Variants in PVR observed in about 807,000 individuals in gnomAD.
PVR encodes PVR cell adhesion molecule, also known as poliovirus receptor.
A neutral mutation model predicts 43.3 loss-of-function variants in PVR; 39 were observed. That is an observed-to-expected ratio of 0.90 (90% confidence interval 0.70 to 1.18). The LOEUF (loss-of-function observed/expected upper bound fraction) is 1.18, where lower values mean the gene tolerates loss of function less well. Ranked by LOEUF, PVR falls within the 50% of genes most tolerant of loss-of-function variation. PVR has a pLI of 0.00. For missense variants in PVR, 480 were observed against 549.7 expected (o/e 0.87, Z 1.27); for synonymous variants, 224 against 233.2 (o/e 0.96, Z 0.36).
chr19:44,664,651 T>G lies in PVR; in HGVS notation c.*2840T>G, dbSNP rs999136169. ...TCTAAGGACAGGCATTTGTATCCTT[T>G]CCAGCCTTTCACTATTACAATGTTG... On this transcript the variant is annotated 3_prime_UTR_variant, in exon 8 of 8. Transcript: ENST00000425690. The G allele has an allele frequency of 2.0e-5, 3 of 152,154 alleles. No homozygotes were observed. The East Asian group carries it at 5.8e-4, about 29-fold the overall frequency. The allele number at this position is 152,154 out of a possible 1,614,324, so 9.4% of individuals were successfully genotyped here.
Position 44,657,778 on chromosome 19 carries a change from C to T in PVR, c.859C>T (p.Pro287Ser), listed in dbSNP as rs182448793. 87 of 1,614,128 alleles carry T rather than the reference C, an allele frequency of 5.4e-5. 1 individual carries two copies. Among genetic ancestry groups the T allele is most frequent in the Non-Finnish European group, 3.7e-5 (44 of 1,179,988 alleles). ...YNWSTTMGPL[P>S]PFAVAQGAQL... Reference sequence around the variant, plus strand: ...CTCTCCCAGGACCATGGGTCCCCTGCCACCCTTTGCTGTGGCCCAGGGCGC... The same window carrying T: ...CTCTCCCAGGACCATGGGTCCCCTGTCACCCTTTGCTGTGGCCCAGGGCGC... Residue 287 changes from proline (P) to serine (S), a missense_variant, in exon 5 of 8, where the codon CCA becomes TCA. Coordinates refer to ENST00000425690, the MANE Select transcript of PVR (RefSeq NM_006505.5).
chr19:44,645,134 TTA>T (rs1156865462), intron 1 of PVR, among the ~76,000 whole-genome samples: 2 of 70,030 alleles, frequency 2.9e-5, no homozygotes, highest in African/African-American at 1.3e-4. Context: ...TTATAATATA[TTA>T]TATATATTAT....
chr19:44,644,432 C>A (rs912448100), intron 1 of PVR, among the ~76,000 whole-genome samples: 2 of 152,146 alleles, frequency 1.3e-5, no homozygotes, highest in Non-Finnish European at 2.9e-5. Context: ...GGCACAAGAC[C>A]CTCCTCTGGG....
intron 4 of PVR, among the ~76,000 whole-genome samples, chr19:44,656,685 T>G (rs1315863367): frequency 6.6e-6 from 1 of 152,124 alleles, no homozygotes; most frequent in Non-Finnish European, 1.5e-5. Flanking sequence ...GAGAAGGGAA[T>G]GGGACTGGGC....
Position 44,647,511 on chromosome 19 carries a change from G to T in PVR, c.368G>T (p.Cys123Phe), listed in dbSNP as rs1344159048. 7 of 1,614,106 alleles carry T rather than the reference G, an allele frequency of 4.3e-6. No individual in the cohort carries two copies. The highest frequency in any genetic ancestry group is 2.2e-5 in the East Asian group (1 of 44,866). The change falls in exon 2 of 8, where the codon TGC becomes TTC. Residue 123 changes from cysteine to phenylalanine, a missense_variant. Physicochemically the swap from Cys to Phe is radical, Grantham distance 205. Coordinates refer to ENST00000425690, the MANE Select transcript of PVR (RefSeq NM_006505.5). Reference protein sequence around the residue: ...LRVEDEGNYTCLFVTFPQGSR... With the variant: ...LRVEDEGNYTFLFVTFPQGSR... ...GTAGAGGATGAAGGCAACTACACCT[G>T]CCTGTTCGTCACGTTCCCGCAGGGC...
chr19:44,657,711 C>T (rs771761226), intron 4 of PVR, 51 bp from the exon 5 acceptor site: 8 of 1,596,568 alleles, frequency 5.0e-6, no homozygotes, highest in Non-Finnish European at 6.0e-6. Context: ...CAATCACTGT[C>T]ACTCCGGACC....
intron 3 of PVR, among the ~76,000 whole-genome samples, chr19:44,650,364 G>A (rs976355024): frequency 1.3e-5 from 2 of 151,994 alleles, no homozygotes; most frequent in Non-Finnish European, 2.9e-5. Context: ...CTCCTCTAGC[G>A]GCTGTCTGCA....
At chr19:44,656,719 C>G (rs1412648139) in intron 4 of PVR, among the ~76,000 whole-genome samples, 1 of 152,176 alleles carries the variant, frequency 6.6e-6, no homozygotes, top group Non-Finnish European at 1.5e-5. Context: ...CCTGTAATCC[C>G]AGCACTTTGG....
In PVR at chr19:44,662,108, C is replaced by T; in HGVS notation, c.*297C>T. The T allele has an allele frequency of 2.5e-6, 1 of 396,238 alleles. No individual in the cohort carries two copies. Among genetic ancestry groups the T allele is most frequent in the Non-Finnish European group, 4.7e-6 (1 of 213,658 alleles). 24.5% of individuals were successfully genotyped at this position (396,238 alleles called of 1,614,324 possible). A position where few individuals can be genotyped will look rare whatever the true frequency, so the allele number is the denominator to read the frequency against. ...AGGGAGGAGGTGCACAGCACACGTT[C>T]CACGACAGATGAGGCGACGGCTTCC... On this transcript the variant is annotated 3_prime_UTR_variant, in exon 8 of 8. Coordinates refer to ENST00000425690, the MANE Select transcript of PVR (RefSeq NM_006505.5).
chr19:44,644,325 G>C (rs1973014831), intron 1 of PVR, 150 bp downstream of exon 1: 2 of 584,310 alleles, frequency 3.4e-6, no homozygotes, highest in Non-Finnish European at 5.7e-6. Context: ...AAGGAACACG[G>C]TGCGAGGGTG....
At chr19:44,653,740 C>T (rs757325147) in intron 3 of PVR, 160 bp from the exon 4 acceptor site, 1 of 610,456 alleles carries the variant, frequency 1.6e-6, no homozygotes, top group Non-Finnish European at 3.0e-6. Flanking sequence ...GGCTTCTGCT[C>T]TCTGTGGCAC....
chr19:44,661,149 G>A (rs1973579861), intron 6 of PVR, 143 bp from the exon 7 acceptor site: 1 of 726,254 alleles, frequency 1.4e-6, no homozygotes, highest in Admixed American at 2.1e-5. Context: ...TGACACACGT[G>A]TATACCATTA....
At chr19:44,653,740 C>G (rs757325147) in intron 3 of PVR, 160 bp from the exon 4 acceptor site, 1 of 610,338 alleles carries the variant, frequency 1.6e-6, no homozygotes, top group Admixed American at 2.4e-5. Context: ...GGCTTCTGCT[C>G]TCTGTGGCAC....
At position 44,654,037 on chromosome 19, in the gene PVR, G is replaced by T; in HGVS notation, c.842+20G>T. 1 of 1,570,866 alleles carries T rather than the reference G, an allele frequency of 6.4e-7. No homozygotes were observed. Among genetic ancestry groups the T allele is most frequent in the African/African-American group, 1.3e-5 (1 of 74,106 alleles). Reference sequence around the variant, plus strand: ...GAGCACGTGAGTCCTGGGTCTCAGGGAGGAGGGGCTGGGGGTCTGGATTTC... The same window carrying T: ...GAGCACGTGAGTCCTGGGTCTCAGGTAGGAGGGGCTGGGGGTCTGGATTTC... On this transcript the variant is annotated intron_variant, in intron 4 of 7. Transcript: ENST00000425690.
intron 4 of PVR, among the ~76,000 whole-genome samples, chr19:44,655,863 C>CTTTTTT (rs11349440): frequency 1.7e-4 from 14 of 81,956 alleles, no homozygotes; most frequent in African/African-American, 2.5e-4. Flanking sequence ...AGCTCTCCTG[C>CTTTTTT]TTTTTTTTTT....
At chr19:44,644,270 G>A in intron 1 of PVR, 95 bp downstream of exon 1, 4 of 936,082 alleles carry the variant, frequency 4.3e-6, no homozygotes, top group African/African-American at 1.7e-5. Flanking sequence ...GAAGATGACG[G>A]CCCCGCCCGG....
intron 2 of PVR, 107 bp from the exon 3 acceptor site, chr19:44,649,702 T>G: frequency 2.4e-5 from 30 of 1,263,574 alleles, no homozygotes; most frequent in Non-Finnish European, 3.1e-5. Context: ...ATTATAGGCG[T>G]GAGCCACCCC....
intron 4 of PVR, among the ~76,000 whole-genome samples, chr19:44,656,608 A>G (rs551969097): frequency 2.5e-4 from 38 of 152,356 alleles, no homozygotes; most frequent in African/African-American, 8.9e-4. Flanking sequence ...GGTGAAAGAA[A>G]CAAGAAGCAA....
intron 6 of PVR, 74 bp from the exon 7 acceptor site, chr19:44,661,218 A>G: frequency 7.0e-7 from 1 of 1,433,682 alleles, no homozygotes. Flanking sequence ...CAGGGCCCTG[A>G]CACCCAGGCA....
Sources: allele counts gnomAD v4.1 joint callset (sites outside exome capture counted in the v4.1 genomes callset), GRCh38; gene constraint gnomAD v4.1.1; transcripts MANE v1.5; gene names NCBI Gene and HGNC (gene_info 2026-07-23, HGNC 2026-07-21).